The following METTL4 variants were observed in gnomAD, a reference collection of about 807,000 sequenced individuals.
The protein encoded by METTL4 is methyltransferase 4, N6-adenosine.
A neutral mutation model predicts 54.0 loss-of-function variants in METTL4; 40 were observed. That is an observed-to-expected ratio of 0.74 (90% confidence interval 0.58 to 0.96). The LOEUF (loss-of-function observed/expected upper bound fraction) is 0.96. Ranked by LOEUF, METTL4 falls within the 50% of genes least tolerant of loss-of-function variation. The probability of loss-of-function intolerance (pLI) is 0.00; values close to 1 mark genes in which losing one functional copy is unlikely to be tolerated. For missense variants in METTL4, 525 were observed against 549.0 expected, an observed-to-expected ratio of 0.96 and a Z score of 0.44; for synonymous variants, 169 against 183.8, an observed-to-expected ratio of 0.92 and a Z score of 0.65.
At chr18:2,544,632 T>G (rs775298652) in intron 7 of METTL4, 21 bp downstream of exon 7, 1 of 1,460,822 alleles carries the variant, frequency 6.8e-7, no homozygotes, top group Admixed American at 1.9e-5. Context: ...GTATACAATT[T>G]TGAAAAATCA....
At chr18:2,555,841 T>C (rs2072231521) in intron 3 of METTL4, among the ~76,000 whole-genome samples, 1 of 147,272 alleles carries the variant, frequency 6.8e-6, no homozygotes, top group East Asian at 2.0e-4. Flanking sequence ...GGTTGGTATG[T>C]TTAAAAAAAA....
Position 2,538,044 on chromosome 18 carries a change from G to T in METTL4, c.*956C>A, listed in dbSNP as rs1909610872. The T allele has an allele frequency of 1.0e-5, 4 of 397,666 alleles. No homozygotes were observed. The East Asian group carries it at 1.4e-4, about 14-fold the overall frequency. The allele number at this position is 397,666 out of a possible 1,614,324, so 24.6% of individuals were successfully genotyped here. A position where few individuals can be genotyped will look rare whatever the true frequency, so the allele number is the denominator to read the frequency against. On this transcript the variant is annotated 3_prime_UTR_variant, in exon 9 of 9. Transcript: ENST00000574538. ...TTCACTGAATTTGACACTGAAAATT[G>T]GAGAATTTTGTGAAAATTATACCTC... is the stretch of plus-strand genomic sequence containing the variant.
At position 2,538,685 on chromosome 18, in the gene METTL4, C is replaced by A; in HGVS notation, c.*315G>T. 4.0e-6 allele frequency: 1 copy of A among 251,434 alleles called. No homozygotes were observed. Among genetic ancestry groups the A allele is most frequent in the Admixed American group, 4.8e-5 (1 of 20,684 alleles). 15.6% of individuals were successfully genotyped at this position (251,434 alleles called of 1,614,324 possible). On this transcript the variant is annotated 3_prime_UTR_variant, in exon 9 of 9. Coordinates refer to ENST00000574538, the MANE Select transcript of METTL4 (RefSeq NM_022840.5). ...CTGTATGGGTCACACAAAACACATC[C>A]ATAGATAGGATTAAGACCTCTGGTC...
chr18:2,547,580 A>G, intron 5 of METTL4, 51 bp from the exon 6 acceptor site: 2 of 1,425,496 alleles, frequency 1.4e-6, no homozygotes, highest in African/African-American at 1.4e-5. Flanking sequence ...AAAAGAAGAA[A>G]ACTAAGCAGG....
chr18:2,554,424 C>T lies in METTL4; in HGVS notation c.829+245G>A, dbSNP rs182284020. ...CAACTGCATACCGAATTCCTAAGTA[C>T]AGAGAAGTAACTATATTTGTTCTCT... On this transcript the variant is annotated intron_variant, in intron 4 of 8. Transcript: ENST00000574538. 4 of 438,358 alleles carry T rather than the reference C, an allele frequency of 9.1e-6. No homozygotes were observed. In the East Asian group the frequency reaches 1.7e-4, roughly 19 times the overall value. 27.2% of individuals were successfully genotyped at this position (438,358 alleles called of 1,614,324 possible). A position where few individuals can be genotyped will look rare whatever the true frequency, so the allele number is the denominator to read the frequency against.
chr18:2,551,325 CA>C (rs765714267), intron 5 of METTL4, among the ~76,000 whole-genome samples: 1 of 151,272 alleles, frequency 6.6e-6, no homozygotes, highest in African/African-American at 2.4e-5. Context: ...AAGTAACTCA[CA>C]AAAAAATTAT....
At chr18:2,541,745 T>TAA (rs11434085) in intron 8 of METTL4, among the ~76,000 whole-genome samples, 1,891 of 148,410 alleles carry the variant, frequency 0.013, 17 homozygotes, top group African/African-American at 0.017. Context: ...CAATTAAACT[T>TAA]AAAAAAAAAA....
Position 2,544,720 on chromosome 18 carries a change from G to C in METTL4, c.1114C>G (p.Pro372Ala). Residue 372 changes from proline (P) to alanine (A), a missense_variant, in exon 7 of 9, where the codon CCA (proline) becomes GCA (alanine). Pro to Ala is a conservative substitution (Grantham distance 27, BLOSUM62 -1). Coordinates refer to ENST00000574538, the MANE Select transcript of METTL4 (RefSeq NM_022840.5). ...AGACCTTCGTAGGGCTTTTTGTGTG[G>C]AGAATCTAATGGGAACACAAATTCT... ...SGEFVFPLDS[P>A]HKKPYEGLIL... 6.2e-7 allele frequency: 1 copy of C among 1,612,954 alleles called. No homozygotes were observed. Among genetic ancestry groups the C allele is most frequent in the Non-Finnish European group, 8.5e-7 (1 of 1,179,436 alleles).
intron 6 of METTL4, among the ~76,000 whole-genome samples, chr18:2,546,404 TA>T (rs1351295586): frequency 6.6e-6 from 1 of 152,118 alleles, no homozygotes; most frequent in Admixed American, 6.5e-5. Context: ...TATGTATGTA[TA>T]CAAAAAAAAT....
At chr18:2,560,209 G>C (rs1214650813) in intron 3 of METTL4, among the ~76,000 whole-genome samples, 1 of 151,900 alleles carries the variant, frequency 6.6e-6, no homozygotes, top group East Asian at 1.9e-4. Context: ...TGCTAAAGCT[G>C]TGCCCAGAGA....
chr18:2,545,446 T>C (rs1035258879), intron 6 of METTL4, among the ~76,000 whole-genome samples: 12 of 151,996 alleles, frequency 7.9e-5, no homozygotes, highest in African/African-American at 2.9e-4. Flanking sequence ...TTAATAAGGA[T>C]AGAAAGTGGG....
At chr18:2,557,707 T>A (rs1203221619) in intron 3 of METTL4, among the ~76,000 whole-genome samples, 1 of 152,194 alleles carries the variant, frequency 6.6e-6, no homozygotes, top group Non-Finnish European at 1.5e-5. Flanking sequence ...TCTAACTATG[T>A]TGATTGCCAC....
intron 8 of METTL4, chr18:2,540,176 C>A (rs2071973762): frequency 1.0e-6 from 1 of 985,052 alleles, no homozygotes; most frequent in African/African-American, 1.7e-5. Flanking sequence ...AAAAGAAGAA[C>A]ACAGAAACTT....
intron 8 of METTL4, chr18:2,539,818 A>G: frequency 1.1e-6 from 1 of 933,850 alleles, no homozygotes. Context: ...TACATGAAAA[A>G]GAGCTCTAAA....
chr18:2,564,737 G>C (rs956683166), intron 2 of METTL4, among the ~76,000 whole-genome samples: 7 of 152,170 alleles, frequency 4.6e-5, no homozygotes, highest in Non-Finnish European at 7.3e-5. Context: ...TAGCATATCA[G>C]AAGGTGTCAT....
rs762146864 is a variant in METTL4, at chr18:2,566,053, ATAAATAAAT to A, written c.396+759_396+767del. Among the ~76,000 whole-genome samples, 15 of 50,088 alleles carry A rather than the reference ATAAATAAAT, an allele frequency of 3.0e-4. 1 individual carries two copies. Among genetic ancestry groups the A allele is most frequent in the South Asian group, 3.0e-3 (5 of 1,686 alleles). 32.9% of individuals were successfully genotyped at this position (50,088 alleles called of 152,430 possible). A position where few individuals can be genotyped will look rare whatever the true frequency, so the allele number is the denominator to read the frequency against. ...CAGAGCAAGACTCTGTCTCAAATAA[ATAAATAAAT>A]AAATAAATAAATAAATAAATAAATA... On this transcript the variant is annotated intron_variant, in intron 2 of 8. Coordinates refer to ENST00000574538, the MANE Select transcript of METTL4 (RefSeq NM_022840.5).
In METTL4 at chr18:2,547,884, A is replaced by G. The variant is rs535448737; in HGVS notation, c.900-355T>C. Among the ~76,000 whole-genome samples, 4 of 152,324 alleles carry G rather than the reference A, an allele frequency of 2.6e-5. No individual in the cohort carries two copies. In the South Asian group the frequency reaches 8.3e-4, roughly 32 times the overall value. ...CTACGTTACACAGGAGCCCTGTCAC[A>G]GTGAGTCTTGAAACGAGTCTCTCAA... On this transcript the variant is annotated intron_variant, in intron 5 of 8. Coordinates refer to ENST00000574538, the MANE Select transcript of METTL4 (RefSeq NM_022840.5).
Position 2,539,031 on chromosome 18 carries a change from T to C in METTL4, c.1388A>G (p.Asp463Gly). ...GNEVLKFQHV[D>G]YFIAVESGS ...TCCAGACTCCACAGCAATAAAATAA[T>C]CCACATGCTGAAATTTGAGAACTTC... Residue 463 changes from aspartate to glycine, a missense_variant, in exon 9 of 9, where the codon GAT (aspartate) becomes GGT (glycine). Physicochemically the swap from Asp to Gly is moderately conservative, Grantham distance 94. Coordinates refer to ENST00000574538, the MANE Select transcript of METTL4 (RefSeq NM_022840.5). The C allele has an allele frequency of 6.2e-7, 1 of 1,613,942 alleles. No individual in the cohort carries two copies. Among genetic ancestry groups the C allele is most frequent in the Non-Finnish European group, 8.5e-7 (1 of 1,179,930 alleles).
At chr18:2,556,872 C>T (rs2072246826) in intron 3 of METTL4, among the ~76,000 whole-genome samples, 1 of 151,954 alleles carries the variant, frequency 6.6e-6, no homozygotes, top group African/African-American at 2.4e-5. Flanking sequence ...GAGGAGGAAT[C>T]CGCACTATGT....
Sources: gnomAD v4.1 joint callset for allele counts (sites outside exome capture counted in the v4.1 genomes callset) on GRCh38, gnomAD v4.1.1 for gene constraint, MANE v1.5 for transcripts, NCBI Gene and HGNC (gene_info 2026-07-23, HGNC 2026-07-21) for gene names.